The following FAM131B variants were observed in gnomAD, a reference collection of about 807,000 sequenced individuals.
The protein encoded by FAM131B is family with sequence similarity 131 member B, also known as protein FAM131B.
A neutral mutation model predicts 42.0 loss-of-function variants in FAM131B; 19 were observed. The ratio of observed to expected loss-of-function variants is 0.45; its 90% confidence interval spans 0.32 to 0.66. The LOEUF (loss-of-function observed/expected upper bound fraction) is 0.66, where lower values mean the gene tolerates loss of function less well. Ranked by LOEUF, FAM131B falls within the 30% of genes least tolerant of loss-of-function variation. The probability of loss-of-function intolerance (pLI) is 0.05; values close to 1 mark genes in which losing one functional copy is unlikely to be tolerated. For synonymous variants in FAM131B, 183 were observed against 177.6 expected, an observed-to-expected ratio of 1.03 and a Z score of -0.24; for missense variants, 370 against 468.4, an observed-to-expected ratio of 0.79 and a Z score of 1.94.
At chr7:143,382,156 T>G in the FAM131B span, 1 of 1,083,166 alleles carries the variant, frequency 9.2e-7, no homozygotes, top group Non-Finnish European at 1.3e-6. Context: ...CCTGAGAGAG[T>G]TCTTGGGTTA....
chr7:143,365,958 C>T (rs1047061570), upstream of FAM131B, among the ~76,000 whole-genome samples: 1 of 151,972 alleles, frequency 6.6e-6, no homozygotes, highest in African/African-American at 2.4e-5. Flanking sequence ...CACTATATTG[C>T]CCAGGCTGAT....
the FAM131B span, among the ~76,000 whole-genome samples, chr7:143,371,450 A>G: frequency 6.6e-6 from 1 of 151,840 alleles, no homozygotes; most frequent in Non-Finnish European, 1.5e-5. Flanking sequence ...TGTCTTTACA[A>G]AAAGAAAAAG....
rs757059805 is a variant in FAM131B at position 143,356,431 on chromosome 7, C to T, written c.*119G>A. 7.3e-5 allele frequency: 52 copies of T among 717,064 alleles called. No homozygotes were observed. The highest frequency in any genetic ancestry group is 1.2e-4 in the Non-Finnish European group (49 of 424,854). 44.4% of individuals were successfully genotyped at this position (717,064 alleles called of 1,614,324 possible). On this transcript the variant is annotated 3_prime_UTR_variant, in exon 7 of 7. Transcript: ENST00000443739. This position sits in a 1 kb window ranked among gnomAD's most constrained non-coding sequence, Gnocchi z 4.4. ...TCCATTTCCAGGAGAGGACTGGAAG[C>T]TCCTGGGTTCCCCAATGTTGTCTGC...
rs1021434026 is a variant in FAM131B, at chr7:143,359,869, G to A, written c.139-102C>T. ...CTTCCAGGAGTGCGGGATGTGGGGA[G>A]GGCTTTCCTGAGGTTGATGCCGCTA... is the stretch of plus-strand genomic sequence containing the variant. On this transcript the variant is annotated intron_variant, in intron 2 of 6. Transcript: ENST00000443739. The surrounding 1 kb of genome is among the most constrained non-coding windows in gnomAD (Gnocchi z 5.4). 3 of 1,201,466 alleles carry A rather than the reference G, an allele frequency of 2.5e-6. No homozygotes were observed. The Admixed American group carries it at 5.9e-5, about 24-fold the overall frequency. The allele number at this position is 1,201,466 out of a possible 1,614,324, so 74.4% of individuals were successfully genotyped here. A position where few individuals can be genotyped will look rare whatever the true frequency, so the allele number is the denominator to read the frequency against.
the FAM131B span, among the ~76,000 whole-genome samples, chr7:143,375,731 A>G: frequency 6.6e-6 from 1 of 152,160 alleles, no homozygotes; most frequent in Non-Finnish European, 1.5e-5. Flanking sequence ...ACTCTCTGCA[A>G]TGTTTACTCC....
intron 1 of FAM131B, chr7:143,361,986 TCCCGCC>T: frequency 4.5e-6 from 4 of 887,004 alleles, no homozygotes; most frequent in African/African-American, 1.8e-5. Flanking sequence ...CCCGGGCTCA[TCCCGCC>T]CCCGCCCCAG....
At chr7:143,377,696 A>G in the FAM131B span, among the ~76,000 whole-genome samples, 1 of 152,120 alleles carries the variant, frequency 6.6e-6, no homozygotes, top group Non-Finnish European at 1.5e-5. Flanking sequence ...GCGAATATAT[A>G]TATAAACAAA....
chr7:143,353,730 A>G lies in FAM131B; in HGVS notation c.*2820T>C, dbSNP rs1194138230. 1 of 152,514 alleles carries G rather than the reference A, an allele frequency of 6.6e-6. No individual in the cohort carries two copies. Among genetic ancestry groups the G allele is most frequent in the East Asian group, 1.9e-4 (1 of 5,186 alleles). The allele number at this position is 152,514 out of a possible 1,614,324, so 9.4% of individuals were successfully genotyped here. ...GTATAGGTGAGGTCGTGGAGAAGAT[A>G]ATAAACTCATTCCCCAAGATACCCT... On this transcript the variant is annotated 3_prime_UTR_variant, in exon 7 of 7. Transcript: ENST00000443739.
In FAM131B at chr7:143,355,688, A is replaced by ACCCT. The variant is rs1266547828; in HGVS notation, c.*858_*861dup. On this transcript the variant is annotated 3_prime_UTR_variant, in exon 7 of 7. Coordinates refer to ENST00000443739, the MANE Select transcript of FAM131B (RefSeq NM_001031690.3). The surrounding 1 kb of genome is among the most constrained non-coding windows in gnomAD (Gnocchi z 4.1). ...GTGTATCCAAGATGGGTGTCCCCAC[A>ACCCT]CCCTCCTCAGGCTCCCGGAGCAGGG... The ACCCT allele has an allele frequency of 6.6e-6, 1 of 152,588 alleles. No homozygotes were observed. Among genetic ancestry groups the ACCCT allele is most frequent in the Admixed American group, 6.5e-5 (1 of 15,280 alleles). 9.5% of individuals were successfully genotyped at this position (152,588 alleles called of 1,614,324 possible).
the FAM131B span, chr7:143,381,104 G>T: frequency 8.6e-6 from 6 of 700,168 alleles, no homozygotes; most frequent in Non-Finnish European, 1.1e-5. Flanking sequence ...GGCGGCGGGG[G>T]CGGCAGTGAG....
At chr7:143,369,098 T>C in the FAM131B span, among the ~76,000 whole-genome samples, 12 of 152,330 alleles carry the variant, frequency 7.9e-5, no homozygotes, top group South Asian at 2.5e-3. Flanking sequence ...ATCAAGTTCC[T>C]TGCTGTACTT....
the FAM131B span, chr7:143,380,041 G>A: frequency 2.0e-6 from 2 of 983,868 alleles, no homozygotes; most frequent in Non-Finnish European, 2.4e-6. This position sits in a 1 kb window ranked among gnomAD's most constrained non-coding sequence, Gnocchi z 5.0. Context: ...TGCCAGTAGA[G>A]TGTAGCCGGA....
chr7:143,367,137 A>G (rs917009389), upstream of FAM131B, among the ~76,000 whole-genome samples: 1 of 152,122 alleles, frequency 6.6e-6, no homozygotes, highest in Non-Finnish European at 1.5e-5. Context: ...TAATCAACAG[A>G]TGAGGGTCCT....
At chr7:143,360,309 A>G in intron 1 of FAM131B, 160 bp from the exon 2 acceptor site, 2 of 1,445,798 alleles carry the variant, frequency 1.4e-6, no homozygotes, top group Admixed American at 2.6e-5. Context: ...AGTAATGCTG[A>G]GCCCAAATAT....
the FAM131B span, chr7:143,379,929 G>T: frequency 2.6e-6 from 1 of 387,092 alleles, no homozygotes; most frequent in Non-Finnish European, 3.5e-6. Context: ...CTTTACCTGG[G>T]TGTGACCCGG....
In FAM131B at chr7:143,358,297, T is replaced by G. The variant is rs1432320997; in HGVS notation, c.466+530A>C. Among the ~76,000 whole-genome samples the G allele has an allele frequency of 6.6e-6, 1 of 152,162 alleles. No homozygotes were observed. Among genetic ancestry groups the G allele is most frequent in the Non-Finnish European group, 1.5e-5 (1 of 68,032 alleles). On this transcript the variant is annotated intron_variant, in intron 5 of 6. Coordinates refer to ENST00000443739, the MANE Select transcript of FAM131B (RefSeq NM_001031690.3). This position sits in a 1 kb window ranked among gnomAD's most constrained non-coding sequence, Gnocchi z 4.7. ...ATCTTATTTAGACCTGCACTACAGC[T>G]TGGCCACTCTTGTAGGCACACTGCA...
At chr7:143,381,977 C>T in the FAM131B span, 1 of 639,426 alleles carries the variant, frequency 1.6e-6, no homozygotes, top group Non-Finnish European at 2.6e-6. Context: ...AAGTCCCCCG[C>T]CTGGGAGTGG....
At chr7:143,380,326 G>A in the FAM131B span, 25 of 985,226 alleles carry the variant, frequency 2.5e-5, no homozygotes, top group Admixed American at 1.2e-4. This position sits in a 1 kb window ranked among gnomAD's most constrained non-coding sequence, Gnocchi z 5.0. Flanking sequence ...ATCCAGTCTG[G>A]CCAGTAGGGG....
chr7:143,382,217 C>G, the FAM131B span: 2 of 1,596,768 alleles, frequency 1.3e-6, no homozygotes, highest in Middle Eastern at 1.7e-4. Flanking sequence ...TAGAGGGACC[C>G]CGGCCGACGT....
Sources: allele counts gnomAD v4.1 joint callset (sites outside exome capture counted in the v4.1 genomes callset), GRCh38; gene constraint gnomAD v4.1.1; non-coding constraint Gnocchi (gnomAD v3.1); transcripts MANE v1.5; gene names NCBI Gene and HGNC (gene_info 2026-07-23, HGNC 2026-07-21).